KAZN: variants seen among roughly 807,000 people sequenced by gnomAD.
KAZN encodes kazrin.
In KAZN, 40 loss-of-function variants were observed where a neutral mutation model predicts 87.4. That is an observed-to-expected ratio of 0.46 (90% CI 0.36 to 0.60). The LOEUF is 0.60. KAZN is among the 20% of genes least tolerant of loss of function. The pLI is 0.00. For missense variants in KAZN, 898 were observed against 1,073.9 expected (o/e 0.84, Z 2.29); for synonymous variants, 466 against 458.3 (o/e 1.02, Z -0.22).
chr1:14,276,742 G>C (rs1221012370), intron 2 of KAZN, among the ~76,000 whole-genome samples: 1 of 152,132 alleles, frequency 6.6e-6, no homozygotes, highest in East Asian at 1.9e-4. Context: ...CACTTGCAAA[G>C]ACCTTATTTC....
intron 1 of KAZN, among the ~76,000 whole-genome samples, chr1:14,660,100 C>T (rs1371736707): frequency 2.6e-5 from 4 of 152,038 alleles, no homozygotes; most frequent in East Asian, 1.9e-4. Flanking sequence ...CTTGATAATG[C>T]GATTAGGGCC....
rs1436448316 is a variant in KAZN at position 13,910,537 on chromosome 1, C to G, written c.91+16781C>G. Among the ~76,000 whole-genome samples, 7 of 151,770 alleles carry G rather than the reference C, an allele frequency of 4.6e-5. No individual in the cohort carries two copies. The East Asian group carries it at 1.2e-3, about 26-fold the overall frequency. ...AAAAAAGTGTGTGTGACACCTCCCC[C>G]ACCTTGCTCCTGCTTCACCATATAA... On this transcript the variant is annotated intron_variant, in intron 1 of 16. Coordinates refer to the KAZN transcript ENST00000636203.
intron 1 of KAZN, chr1:14,929,788 A>G: frequency 1.0e-6 from 1 of 985,422 alleles, no homozygotes; most frequent in Non-Finnish European, 1.2e-6. Flanking sequence ...GTGCCAGATG[A>G]GTGCCTTTCA....
In KAZN at chr1:14,083,060, C is replaced by T. The variant is rs191167410; in HGVS notation, c.92-97375C>T. Among the ~76,000 whole-genome samples the T allele has an allele frequency of 1.3e-3, 205 of 152,200 alleles. 1 individual carries two copies. The highest frequency in any genetic ancestry group is 4.5e-3 in the African/African-American group (188 of 41,536). On this transcript the variant is annotated intron_variant, in intron 1 of 16. Coordinates refer to the KAZN transcript ENST00000636203. ...ACAAAAAATTAGCCGGGTGTGGTGG[C>T]GGGCACCTGTAGTCCCAGCGACTCG... is the stretch of plus-strand genomic sequence containing the variant.
intron 1 of KAZN, among the ~76,000 whole-genome samples, chr1:14,662,982 T>TATATATA: frequency 6.9e-6 from 1 of 145,834 alleles, no homozygotes; most frequent in African/African-American, 2.5e-5. Context: ...TATATATATA[T>TATATATA]TTTAGAGAGG....
intron 1 of KAZN, among the ~76,000 whole-genome samples, chr1:13,972,359 T>C (rs912466956): frequency 4.0e-5 from 6 of 151,318 alleles, no homozygotes; most frequent in African/African-American, 1.5e-4. Flanking sequence ...TTGCAAGCTC[T>C]GCCTCCCGAA....
At chr1:14,697,425 C>T (rs142650570) in intron 1 of KAZN, among the ~76,000 whole-genome samples, 151 of 152,302 alleles carry the variant, frequency 9.9e-4, no homozygotes, top group African/African-American at 2.8e-3. Flanking sequence ...GAAACAATGA[C>T]CTCCTGTCCG....
At chr1:14,652,730 C>T (rs1157601578) in intron 1 of KAZN, among the ~76,000 whole-genome samples, 1 of 139,272 alleles carries the variant, frequency 7.2e-6, no homozygotes, top group Non-Finnish European at 1.5e-5. Flanking sequence ...TCCACCCATC[C>T]GTTAATCCAT....
chr1:14,265,819 T>A (rs968811263), intron 2 of KAZN, among the ~76,000 whole-genome samples: 4 of 152,246 alleles, frequency 2.6e-5, no homozygotes, highest in African/African-American at 9.6e-5. Flanking sequence ...TAGGGAGAGT[T>A]ACCAGCAGGT....
intron 2 of KAZN, among the ~76,000 whole-genome samples, chr1:14,494,264 A>T (rs1177076119): frequency 6.6e-6 from 1 of 152,212 alleles, no homozygotes; most frequent in Non-Finnish European, 1.5e-5. Flanking sequence ...TAAGTGTGAC[A>T]AGTGCCATAA....
At chr1:14,456,370 T>C (rs1667566293) in intron 2 of KAZN, among the ~76,000 whole-genome samples, 1 of 152,210 alleles carries the variant, frequency 6.6e-6, no homozygotes, top group African/African-American at 2.4e-5. Context: ...CTCTCCAGTA[T>C]TTGGTAGGAA....
intron 1 of KAZN, among the ~76,000 whole-genome samples, chr1:14,693,021 G>A (rs964009958): frequency 7.2e-5 from 11 of 152,132 alleles, no homozygotes; most frequent in African/African-American, 1.9e-4. Context: ...CTCAGGGGTC[G>A]TTTTTAAAGG....
At chr1:14,887,907 T>C (rs1013789922) in intron 1 of KAZN, among the ~76,000 whole-genome samples, 1 of 152,102 alleles carries the variant, frequency 6.6e-6, no homozygotes, top group Non-Finnish European at 1.5e-5. Flanking sequence ...GTGTTTGCTG[T>C]GTGGATGGGG....
intron 1 of KAZN, among the ~76,000 whole-genome samples, chr1:14,912,092 C>T (rs1572807626): frequency 1.5e-5 from 2 of 132,592 alleles, no homozygotes; most frequent in East Asian, 4.5e-4. Context: ...GCAGAGGTTG[C>T]AGTGATCACA....
chr1:14,226,879 A>G (rs1470561809), intron 2 of KAZN, among the ~76,000 whole-genome samples: 1 of 152,056 alleles, frequency 6.6e-6, no homozygotes, highest in Non-Finnish European at 1.5e-5. Context: ...AGGGAACAAT[A>G]GATACTGGGG....
chr1:15,078,140 T>C (rs1383417840), intron 8 of KAZN, among the ~76,000 whole-genome samples: 1 of 152,096 alleles, frequency 6.6e-6, no homozygotes, highest in African/African-American at 2.4e-5. Context: ...ATGTGCTGGA[T>C]GCGGTGGTTC....
chr1:13,987,831 A>G (rs1043181530), intron 1 of KAZN, among the ~76,000 whole-genome samples: 12 of 152,330 alleles, frequency 7.9e-5, no homozygotes, highest in African/African-American at 2.4e-4. Context: ...TTGCTATAAC[A>G]ATACCTGAGC....
chr1:14,788,098 C>T (rs1645563409), intron 1 of KAZN, among the ~76,000 whole-genome samples: 2 of 152,148 alleles, frequency 1.3e-5, no homozygotes, highest in Non-Finnish European at 2.9e-5. Context: ...AAGACAGCAA[C>T]AGCAGAGCAT....
At chr1:13,894,574 C>T (rs965646236) in intron 1 of KAZN, among the ~76,000 whole-genome samples, 1 of 152,150 alleles carries the variant, frequency 6.6e-6, no homozygotes, top group African/African-American at 2.4e-5. Context: ...ACACATTCCT[C>T]CAATGTTTTC....
Sources: gnomAD v4.1 joint callset for allele counts (sites outside exome capture counted in the v4.1 genomes callset) on GRCh38, gnomAD v4.1.1 for gene constraint, MANE v1.5 for transcripts, NCBI Gene and HGNC (gene_info 2026-07-23, HGNC 2026-07-21) for gene names.